Variants in SCN11A observed in about 807,000 individuals in gnomAD.
SCN11A encodes sodium voltage-gated channel alpha subunit 11.
In SCN11A, 122 loss-of-function variants were observed where a neutral mutation model predicts 162.2. That is an observed-to-expected ratio of 0.75 (90% CI 0.65 to 0.87). SCN11A has a LOEUF of 0.87. Ranked by LOEUF, SCN11A falls within the 40% of genes least tolerant of loss-of-function variation. The pLI is 0.00. For synonymous variants in SCN11A, 758 were observed against 751.5 expected, an observed-to-expected ratio of 1.01 and a Z score of -0.14; for missense variants, 2,015 against 2,181.6, an observed-to-expected ratio of 0.92 and a Z score of 1.52.
intron 6 of SCN11A, among the ~76,000 whole-genome samples, chr3:38,945,795 T>C (rs2066508284): frequency 6.6e-6 from 1 of 152,204 alleles, no homozygotes; most frequent in South Asian, 2.1e-4. Flanking sequence ...CAATTCATGC[T>C]CCAGAGTTCT....
chr3:38,903,949 G>A lies in SCN11A; in HGVS notation c.1758C>T (p.Cys586=). 1 of 1,614,110 alleles carries A rather than the reference G, an allele frequency of 6.2e-7. No homozygotes were observed. Among genetic ancestry groups the A allele is most frequent in the Non-Finnish European group, 8.5e-7 (1 of 1,179,988 alleles). Residue 586 remains cysteine, a synonymous_variant, in exon 16 of 30, where the codon TGC becomes TGT. Coordinates refer to ENST00000302328, the MANE Select transcript of SCN11A (RefSeq NM_001349253.2). ...DPFTELAITI[C]IIINTVFLAM... ...CCAAGAAGACAGTGTTGATGATGAT[G>A]CAGATGGTGATGGCCAGCTCAGTAA...
rs1000451309 is a variant in SCN11A at position 38,945,537 on chromosome 3, T to C, written c.387-25A>G. On this transcript the variant is annotated intron_variant, in intron 6 of 29. Coordinates refer to ENST00000302328, the MANE Select transcript of SCN11A (RefSeq NM_001349253.2). ...TGTGGCCAGCATCCATTAAGGCAGATATGTTGCAGGATGGCATGCATCATT... is the reference window on the plus strand; with the variant it reads ...TGTGGCCAGCATCCATTAAGGCAGACATGTTGCAGGATGGCATGCATCATT... The C allele has an allele frequency of 5.4e-6, 8 of 1,485,974 alleles. No homozygotes were observed. The African/African-American group carries it at 1.1e-4, about 21-fold the overall frequency. The allele number at this position is 1,485,974 out of a possible 1,614,324, so 92.0% of individuals were successfully genotyped here.
intron 11 of SCN11A, among the ~76,000 whole-genome samples, chr3:38,913,032 T>C (rs1282335065): frequency 2.0e-5 from 3 of 152,150 alleles, no homozygotes; most frequent in Non-Finnish European, 4.4e-5. Context: ...GCAACAGTAG[T>C]TCTGTTTTAG....
intron 2 of SCN11A, among the ~76,000 whole-genome samples, chr3:39,010,046 C>G (rs2031082160): frequency 3.3e-5 from 5 of 151,900 alleles, no homozygotes; most frequent in Admixed American, 3.3e-4. Flanking sequence ...TATGACATAA[C>G]TATATTAGAT....
chr3:38,909,308 T>G, intron 12 of SCN11A, 114 bp from the exon 13 acceptor site: 1 of 888,004 alleles, frequency 1.1e-6, no homozygotes, highest in East Asian at 2.6e-5. Context: ...CCAGCACTGG[T>G]GGGCTCAGTT....
At chr3:38,993,325 C>T (rs188412347) in intron 2 of SCN11A, among the ~76,000 whole-genome samples, 1 of 152,126 alleles carries the variant, frequency 6.6e-6, no homozygotes, top group Non-Finnish European at 1.5e-5. Context: ...AAAAAAAGAG[C>T]CCTAACAGAA....
At chr3:39,050,321 T>G (rs6778963) in intron 1 of SCN11A, among the ~76,000 whole-genome samples, 72,934 of 152,076 alleles carry the variant, frequency 0.48, 21,368 homozygotes, top group African/African-American at 0.84. Flanking sequence ...TCTTTCTTCA[T>G]AGTACTTATC....
intron 2 of SCN11A, among the ~76,000 whole-genome samples, chr3:38,980,235 A>G (rs906734708): frequency 7.2e-6 from 1 of 138,574 alleles, no homozygotes; most frequent in Non-Finnish European, 1.5e-5. Context: ...TTTCTTTGAG[A>G]AAAAAAAAAA....
chr3:38,975,574 A>T (rs1378741430), intron 2 of SCN11A, among the ~76,000 whole-genome samples: 1 of 152,236 alleles, frequency 6.6e-6, no homozygotes, highest in African/African-American at 2.4e-5. Context: ...TTGCTCAACA[A>T]ATTGTTCAAC....
intron 1 of SCN11A, among the ~76,000 whole-genome samples, chr3:39,043,610 G>T (rs1318122366): frequency 1.3e-5 from 2 of 150,308 alleles, no homozygotes; most frequent in Admixed American, 1.3e-4. Flanking sequence ...TTATTTGTGG[G>T]ATCTAAAAAT....
chr3:38,894,570 T>C lies in SCN11A; in HGVS notation c.2798A>G (p.Asn933Ser). ...EDDVEFSGED[N>S]AQRITQPEPE... ...CTCAGGTTGTGTGATGCGCTGTGCATTATCTTCACCAGAAAATTCAACGTC... is the reference window on the plus strand; with the variant it reads ...CTCAGGTTGTGTGATGCGCTGTGCACTATCTTCACCAGAAAATTCAACGTC... Residue 933 changes from asparagine (N) to serine (S), a missense_variant, in exon 19 of 30, where the codon AAT (asparagine) becomes AGT (serine). Coordinates refer to ENST00000302328, the MANE Select transcript of SCN11A (RefSeq NM_001349253.2). 6.2e-7 allele frequency: 1 copy of C among 1,613,514 alleles called. No individual in the cohort carries two copies. The highest frequency in any genetic ancestry group is 2.2e-5 in the East Asian group (1 of 44,878).
At chr3:38,909,583 C>CTTTTTT (rs57060960) in intron 12 of SCN11A, among the ~76,000 whole-genome samples, 1 of 133,492 alleles carries the variant, frequency 7.5e-6, no homozygotes, top group Admixed American at 7.5e-5. Context: ...CTTGAAGTTT[C>CTTTTTT]TTTTTTTTTT....
rs546957184 is a variant in SCN11A, at chr3:39,012,129, C to T, written c.-280+20251G>A. 1.4e-4 allele frequency among the ~76,000 whole-genome samples: 22 copies of T among 152,126 alleles called. No individual in the cohort carries two copies. The South Asian group carries it at 4.4e-3, about 30-fold the overall frequency. On this transcript the variant is annotated intron_variant, in intron 2 of 29. Transcript: ENST00000302328. ...TCACCTGAGGTCGGAAGTTCGAGAC[C>T]AGACTGACCAACATGGAGAAACCCC...
At chr3:38,986,185 A>C (rs933972552) in intron 2 of SCN11A, among the ~76,000 whole-genome samples, 3 of 150,884 alleles carry the variant, frequency 2.0e-5, no homozygotes, top group Non-Finnish European at 4.4e-5. Flanking sequence ...GAATACTAGG[A>C]GCTGAGAATC....
chr3:38,859,797 A>G (rs1216826229), intron 28 of SCN11A, among the ~76,000 whole-genome samples: 1 of 152,136 alleles, frequency 6.6e-6, no homozygotes, highest in African/African-American at 2.4e-5. Flanking sequence ...TTGATAATAG[A>G]TCTTTCCCAA....
At chr3:38,986,968 C>T (rs1003958432) in intron 2 of SCN11A, among the ~76,000 whole-genome samples, 1 of 152,108 alleles carries the variant, frequency 6.6e-6, no homozygotes, top group Non-Finnish European at 1.5e-5. Context: ...TACCCCTACC[C>T]GTTTCTTTCC....
chr3:39,016,397 C>CT (rs1262203001), intron 2 of SCN11A, among the ~76,000 whole-genome samples: 1 of 152,168 alleles, frequency 6.6e-6, no homozygotes. Flanking sequence ...TGCATACAAA[C>CT]TAAGGCACTG....
intron 3 of SCN11A, among the ~76,000 whole-genome samples, chr3:38,957,842 T>C (rs2066700602): frequency 6.6e-6 from 1 of 152,206 alleles, no homozygotes; most frequent in African/African-American, 2.4e-5. Flanking sequence ...GCACCAGCCT[T>C]CCAGGGTCTT....
intron 2 of SCN11A, among the ~76,000 whole-genome samples, chr3:39,023,517 G>A: frequency 6.6e-6 from 1 of 151,924 alleles, no homozygotes; most frequent in South Asian, 2.1e-4. Flanking sequence ...GTCAAAGTAG[G>A]TTTATAAAAA....
Sources: allele counts gnomAD v4.1 joint callset (sites outside exome capture counted in the v4.1 genomes callset), GRCh38; gene constraint gnomAD v4.1.1; transcripts MANE v1.5; gene names NCBI Gene and HGNC (gene_info 2026-07-23, HGNC 2026-07-21).